Variants in LINGO2 observed in about 807,000 individuals in gnomAD.
The protein encoded by LINGO2 is leucine rich repeat and Ig domain containing 2.
A neutral mutation model predicts 30.6 loss-of-function variants in LINGO2; 14 were observed. The observed-to-expected ratio is 0.46, with a 90% CI of 0.30 to 0.72. LINGO2 has a LOEUF of 0.72. LINGO2 is among the 30% of genes least tolerant of loss of function. The pLI is 0.07. For missense variants in LINGO2, 729 were observed against 751.7 expected, an observed-to-expected ratio of 0.97 and a Z score of 0.35; for synonymous variants, 317 against 288.5, an observed-to-expected ratio of 1.10 and a Z score of -1.00.
At chr9:28,064,623 A>C (rs1236356494) in intron 4 of LINGO2, among the ~76,000 whole-genome samples, 1 of 152,126 alleles carries the variant, frequency 6.6e-6, no homozygotes, top group Non-Finnish European at 1.5e-5. Flanking sequence ...TGGAGAGCTA[A>C]CCAAGGAACT....
rs530768995 is a variant in LINGO2 at position 28,056,104 on chromosome 9, C to A, written c.-86-43699G>T. Among the ~76,000 whole-genome samples the A allele has an allele frequency of 8.8e-4, 134 of 152,286 alleles. 1 individual carries two copies. Among genetic ancestry groups the A allele is most frequent in the African/African-American group, 3.0e-3 (126 of 41,576 alleles). ...GCTCCCCGCTTTCAGTGAGCAAAGG[C>A]AACCTCTGAGCGTCTACCGCCCTTC... On this transcript the variant is annotated intron_variant, in intron 4 of 5. Coordinates refer to ENST00000379992, the Ensembl canonical transcript of LINGO2.
chr9:28,259,684 C>G (rs148414198), intron 4 of LINGO2, among the ~76,000 whole-genome samples: 3 of 151,914 alleles, frequency 2.0e-5, no homozygotes, highest in South Asian at 2.1e-4. Flanking sequence ...TAGAGGTACA[C>G]TGGTAGGGGA....
intron 3 of LINGO2, among the ~76,000 whole-genome samples, chr9:28,357,591 T>C (rs1263710027): frequency 6.6e-6 from 1 of 152,118 alleles, no homozygotes; most frequent in Non-Finnish European, 1.5e-5. Context: ...AATTGGGGTA[T>C]AGATAGTCTA....
chr9:28,350,445 G>T (rs1317289654), intron 3 of LINGO2, among the ~76,000 whole-genome samples: 1 of 149,592 alleles, frequency 6.7e-6, no homozygotes, highest in African/African-American at 2.5e-5. Flanking sequence ...AACAAGAAGA[G>T]CTAACTATCC....
At position 28,160,044 on chromosome 9, in the gene LINGO2, G is replaced by T. The variant is rs1043427403; in HGVS notation, c.-87+135164C>A. On this transcript the variant is annotated intron_variant, in intron 4 of 5. Transcript: ENST00000379992. Reference sequence around the variant, plus strand: ...TCATTGTTTCTGTGATTGCCAAGATGATGTTGTGACTGCCAAATTATTAGT... The same window carrying T: ...TCATTGTTTCTGTGATTGCCAAGATTATGTTGTGACTGCCAAATTATTAGT... Among the ~76,000 whole-genome samples the T allele has an allele frequency of 3.3e-5, 5 of 152,182 alleles. No individual in the cohort carries two copies. In the South Asian group the frequency reaches 6.2e-4, roughly 19 times the overall value.
At chr9:28,522,745 A>C (rs976770825) in intron 1 of LINGO2, among the ~76,000 whole-genome samples, 9 of 152,190 alleles carry the variant, frequency 5.9e-5, no homozygotes, top group Non-Finnish European at 1.3e-4. Context: ...TTATTTCTAC[A>C]GAGCATTCGA....
intron 4 of LINGO2, among the ~76,000 whole-genome samples, chr9:28,089,663 G>A (rs922743108): frequency 3.3e-5 from 5 of 152,074 alleles, no homozygotes; most frequent in African/African-American, 4.8e-5. Flanking sequence ...AACTAGAGAA[G>A]CAAGAGCAAA....
At chr9:28,328,052 C>A (rs1271365469) in intron 3 of LINGO2, among the ~76,000 whole-genome samples, 3 of 152,154 alleles carry the variant, frequency 2.0e-5, no homozygotes, top group Non-Finnish European at 2.9e-5. Context: ...AAGCTCTTAG[C>A]AGGAGCGAGA....
At chr9:28,628,821 T>C (rs140749886) in intron 1 of LINGO2, among the ~76,000 whole-genome samples, 6 of 152,062 alleles carry the variant, frequency 3.9e-5, no homozygotes, top group Non-Finnish European at 8.8e-5. Flanking sequence ...GGTAATGTAA[T>C]GATTTTGTAC....
At chr9:28,766,299 A>G in the LINGO2 span, among the ~76,000 whole-genome samples, 1 of 152,050 alleles carries the variant, frequency 6.6e-6, no homozygotes, top group African/African-American at 2.4e-5. Flanking sequence ...CTGAATAGAC[A>G]TTGTTCCAAA....
the LINGO2 span, among the ~76,000 whole-genome samples, chr9:29,001,217 G>A: frequency 2.8e-4 from 42 of 151,932 alleles, no homozygotes; most frequent in African/African-American, 9.6e-4. Context: ...TCTCGTTGTA[G>A]CCTTCATAAT....
chr9:28,839,024 G>A, the LINGO2 span, among the ~76,000 whole-genome samples: 1 of 152,194 alleles, frequency 6.6e-6, no homozygotes, highest in Admixed American at 6.5e-5. Flanking sequence ...CTGGCACCAG[G>A]GAATGAGGTG....
At chr9:28,804,512 A>G in the LINGO2 span, among the ~76,000 whole-genome samples, 1 of 151,302 alleles carries the variant, frequency 6.6e-6, no homozygotes, top group African/African-American at 2.4e-5. Flanking sequence ...TCAGTCTGGT[A>G]TATTTTTTGT....
the LINGO2 span, among the ~76,000 whole-genome samples, chr9:28,867,151 A>T: frequency 1.3e-5 from 2 of 152,148 alleles, no homozygotes; most frequent in African/African-American, 4.8e-5. Context: ...AATATGACAA[A>T]TGCTGCTGGT....
intron 4 of LINGO2, among the ~76,000 whole-genome samples, chr9:28,169,878 G>T (rs765440160): frequency 6.6e-6 from 1 of 152,162 alleles, no homozygotes; most frequent in Non-Finnish European, 1.5e-5. Context: ...CTGCAATCTA[G>T]CTCTTTCATA....
chr9:28,047,364 A>T (rs1824472378), intron 4 of LINGO2, among the ~76,000 whole-genome samples: 2 of 151,574 alleles, frequency 1.3e-5, no homozygotes, highest in East Asian at 2.0e-4. Flanking sequence ...TACTGTATGA[A>T]AGATCTACTA....
the LINGO2 span, among the ~76,000 whole-genome samples, chr9:29,049,185 T>C: frequency 6.6e-6 from 1 of 152,102 alleles, no homozygotes; most frequent in Admixed American, 6.6e-5. Flanking sequence ...CAGAAGGAGA[T>C]AAACAAATGA....
chr9:28,340,314 C>T (rs1009745979), intron 3 of LINGO2, among the ~76,000 whole-genome samples: 10 of 151,942 alleles, frequency 6.6e-5, no homozygotes, highest in Non-Finnish European at 1.5e-4. Context: ...TATAATAAGC[C>T]CTCAATACTG....
chr9:28,449,320 G>C (rs1254422167), intron 2 of LINGO2, among the ~76,000 whole-genome samples: 1 of 151,934 alleles, frequency 6.6e-6, no homozygotes, highest in African/African-American at 2.4e-5. Context: ...CTTACTTCTT[G>C]CATATTCTGC....
Sources: gnomAD v4.1 joint callset for allele counts (sites outside exome capture counted in the v4.1 genomes callset) on GRCh38, gnomAD v4.1.1 for gene constraint, MANE v1.5 for transcripts, NCBI Gene and HGNC (gene_info 2026-07-23, HGNC 2026-07-21) for gene names.